Variants in SORCS3 observed in about 807,000 individuals in gnomAD.
SORCS3 encodes the protein VPS10 domain-containing receptor SorCS3.
In SORCS3, 57 loss-of-function variants were observed where a neutral mutation model predicts 146.3. The observed-to-expected ratio is 0.39, with a 90% CI of 0.31 to 0.49. SORCS3 has a LOEUF of 0.49. SORCS3 is among the 20% of genes least tolerant of loss of function. The probability of loss-of-function intolerance (pLI) is 0.92; values close to 1 mark genes in which losing one functional copy is unlikely to be tolerated. For synonymous variants in SORCS3, 653 were observed against 618.5 expected, an observed-to-expected ratio of 1.06 and a Z score of -0.83; for missense variants, 1,341 against 1,575.5, an observed-to-expected ratio of 0.85 and a Z score of 2.52.
intron 20 of SORCS3, among the ~76,000 whole-genome samples, chr10:105,234,201 A>G (rs1017184532): frequency 6.6e-6 from 1 of 151,862 alleles, no homozygotes; most frequent in African/African-American, 2.4e-5. Flanking sequence ...ATGTCTCTCT[A>G]CTTTCTTCTT....
At chr10:104,818,641 C>T (rs1589511060) in intron 1 of SORCS3, among the ~76,000 whole-genome samples, 1 of 152,152 alleles carries the variant, frequency 6.6e-6, no homozygotes, top group African/African-American at 2.4e-5. Context: ...TCCCTGTACT[C>T]TGAGCTTATG....
intron 8 of SORCS3, among the ~76,000 whole-genome samples, chr10:105,146,003 C>A (rs1042289591): frequency 3.3e-5 from 5 of 152,044 alleles, no homozygotes; most frequent in African/African-American, 4.8e-5. Flanking sequence ...AAAGGTTGGT[C>A]AAACACAGTA....
At chr10:104,645,662 G>A (rs1386643166) in intron 1 of SORCS3, among the ~76,000 whole-genome samples, 1 of 152,190 alleles carries the variant, frequency 6.6e-6, no homozygotes, top group Non-Finnish European at 1.5e-5. Context: ...GAAATGGGGA[G>A]ATGCTGATAT....
intron 2 of SORCS3, among the ~76,000 whole-genome samples, chr10:104,848,220 C>T (rs1359642518): frequency 6.6e-6 from 1 of 152,102 alleles, no homozygotes; most frequent in East Asian, 1.9e-4. Context: ...TCTCATACTC[C>T]TGCCACTTGG....
chr10:105,012,169 G>A (rs1279621702), intron 4 of SORCS3, among the ~76,000 whole-genome samples: 1 of 152,120 alleles, frequency 6.6e-6, no homozygotes, highest in African/African-American at 2.4e-5. Flanking sequence ...GCATAGAAGG[G>A]ATGAAGCATC....
chr10:104,722,474 G>A (rs1287334497), intron 1 of SORCS3, among the ~76,000 whole-genome samples: 14 of 152,146 alleles, frequency 9.2e-5, no homozygotes, highest in South Asian at 6.2e-4. Context: ...CTTTGGTATC[G>A]GGATGATGCT....
chr10:105,108,020 G>A (rs1371741749), intron 7 of SORCS3, among the ~76,000 whole-genome samples: 3 of 142,970 alleles, frequency 2.1e-5, no homozygotes, highest in African/African-American at 7.8e-5. Flanking sequence ...TAGAAACAGT[G>A]TTATATGAAT....
chr10:105,234,166 G>A (rs2056780068), intron 20 of SORCS3, among the ~76,000 whole-genome samples: 1 of 151,978 alleles, frequency 6.6e-6, no homozygotes. Context: ...GATTGGTGGT[G>A]TTTTTTTCCC....
At chr10:104,947,056 G>T (rs2019379094) in intron 3 of SORCS3, among the ~76,000 whole-genome samples, 1 of 152,098 alleles carries the variant, frequency 6.6e-6, no homozygotes, top group South Asian at 2.1e-4. Context: ...GTAGATGGCA[G>T]CTCACGTTCT....
intron 3 of SORCS3, among the ~76,000 whole-genome samples, chr10:104,929,495 A>C (rs1189605825): frequency 6.6e-6 from 1 of 152,180 alleles, no homozygotes; most frequent in African/African-American, 2.4e-5. Context: ...CTGTTTCATC[A>C]TTTATTTACC....
chr10:105,227,656 A>ATAAT (rs1395321462), intron 20 of SORCS3, among the ~76,000 whole-genome samples: 1 of 152,114 alleles, frequency 6.6e-6, no homozygotes, highest in Non-Finnish European at 1.5e-5. Flanking sequence ...GTTCCCAACT[A>ATAAT]TAATTGTGTT....
At chr10:104,660,476 G>A (rs1047006607) in intron 1 of SORCS3, among the ~76,000 whole-genome samples, 21 of 152,170 alleles carry the variant, frequency 1.4e-4, no homozygotes, top group Non-Finnish European at 2.1e-4. Flanking sequence ...TGGGGGCTGG[G>A]TCAGCCTTTA....
chr10:104,726,274 C>T (rs145000506), intron 1 of SORCS3, among the ~76,000 whole-genome samples: 1,647 of 152,336 alleles, frequency 0.011, 31 homozygotes, highest in African/African-American at 0.038. Context: ...CTCTGGGAGC[C>T]TTAGAGGAAC....
chr10:105,027,958 A>G (rs939083187), intron 4 of SORCS3, among the ~76,000 whole-genome samples: 7 of 152,338 alleles, frequency 4.6e-5, no homozygotes, highest in African/African-American at 1.7e-4. Flanking sequence ...ACCTAAAACA[A>G]TGTCGCATAT....
intron 2 of SORCS3, among the ~76,000 whole-genome samples, chr10:104,861,912 G>T (rs2018408011): frequency 6.6e-6 from 1 of 152,126 alleles, no homozygotes; most frequent in Admixed American, 6.5e-5. Context: ...GTGCACCTTG[G>T]CTTGTAGAAT....
intron 7 of SORCS3, among the ~76,000 whole-genome samples, chr10:105,134,763 AT>A (rs1276176713): frequency 6.6e-6 from 1 of 152,086 alleles, no homozygotes; most frequent in African/African-American, 2.4e-5. Context: ...GGCCCCACAA[AT>A]TTATGTCCTT....
intron 4 of SORCS3, among the ~76,000 whole-genome samples, chr10:105,028,029 C>T (rs2055242233): frequency 6.6e-6 from 1 of 152,192 alleles, no homozygotes; most frequent in African/African-American, 2.4e-5. Flanking sequence ...TTGTATTTCC[C>T]CTAGGAACTA....
At position 104,642,665 on chromosome 10, in the gene SORCS3, C is replaced by G. The variant is rs549307953; in HGVS notation, c.627+711C>G. Among the ~76,000 whole-genome samples, 24 of 152,338 alleles carry G rather than the reference C, an allele frequency of 1.6e-4. No homozygotes were observed. The East Asian group carries it at 4.6e-3, about 29-fold the overall frequency. On this transcript the variant is annotated intron_variant, in intron 1 of 26. Transcript: ENST00000369701. ...ACACCCATCCAGCGCTCATGCCACA[C>G]CGCTCGCCCTCACGCACGCACAGGC...
In SORCS3 at chr10:105,178,322, T is replaced by C. The variant is rs558714707; in HGVS notation, c.2009+149T>C. The C allele has an allele frequency of 5.0e-5, 29 of 580,488 alleles. No homozygotes were observed. In the South Asian group the frequency reaches 7.1e-4, roughly 14 times the overall value. The allele number at this position is 580,488 out of a possible 1,614,324, so 36.0% of individuals were successfully genotyped here. A position where few individuals can be genotyped will look rare whatever the true frequency, so the allele number is the denominator to read the frequency against. Reference sequence around the variant, plus strand: ...CTCATCTATAAAATGGAAATACTTATTTTTATACCTACAAACTCAAAAAGC... The same window carrying C: ...CTCATCTATAAAATGGAAATACTTACTTTTATACCTACAAACTCAAAAAGC... On this transcript the variant is annotated intron_variant, in intron 14 of 26. Transcript: ENST00000369701.
Sources: allele counts gnomAD v4.1 joint callset (sites outside exome capture counted in the v4.1 genomes callset), GRCh38; gene constraint gnomAD v4.1.1; transcripts MANE v1.5; gene names NCBI Gene and HGNC (gene_info 2026-07-23, HGNC 2026-07-21).